CHST9: variants seen among roughly 807,000 people sequenced by gnomAD.
The protein encoded by CHST9 is GalNAc-4-sulfotransferase 2.
Under a neutral mutation model 44.4 loss-of-function variants are expected in CHST9, and 41 were observed. The observed-to-expected ratio is 0.92, with a 90% confidence interval of 0.72 to 1.20. The LOEUF (loss-of-function observed/expected upper bound fraction) is 1.20. CHST9 is among the 50% of genes most tolerant of loss of function. The pLI is 0.00. For missense variants in CHST9, 504 were observed against 516.5 expected, an observed-to-expected ratio of 0.98 and a Z score of 0.23; for synonymous variants, 171 against 178.4, an observed-to-expected ratio of 0.96 and a Z score of 0.33.
intron 4 of CHST9, among the ~76,000 whole-genome samples, chr18:26,984,534 G>T (rs1480739039): frequency 6.6e-6 from 1 of 151,880 alleles, no homozygotes; most frequent in Non-Finnish European, 1.5e-5. Context: ...TTAAAATTAA[G>T]AATTTTTTTA....
chr18:27,160,504 C>T (rs866640762), intron 1 of CHST9, among the ~76,000 whole-genome samples: 42 of 152,196 alleles, frequency 2.8e-4, no homozygotes, highest in African/African-American at 5.3e-4. Flanking sequence ...CTGCTGGATT[C>T]GGTTTGCCAG....
chr18:27,116,530 T>C (rs973769253), intron 2 of CHST9, among the ~76,000 whole-genome samples: 2 of 152,174 alleles, frequency 1.3e-5, no homozygotes, highest in Non-Finnish European at 2.9e-5. Flanking sequence ...GAAAGTGTGA[T>C]TCTTCCAACT....
rs749312588 is a variant in CHST9, at chr18:26,917,185, G to A, written c.406C>T (p.Arg136Cys). Residue 136 changes from arginine (R) to cysteine (C), a missense_variant, in exon 6 of 6, where the codon CGT becomes TGT. Physicochemically the swap from Arg to Cys is radical, Grantham distance 180. Transcript: ENST00000618847. ...TTAAAAACAGTCTTAGCTCCTTGAC[G>A]TTTTTCAATCAACTTCTCTGTTGGT... The part of the protein sequence containing the change: ...GSPTEKLIEK[R>C]QGAKTVFNKF... 20 of 1,613,850 alleles carry A rather than the reference G, an allele frequency of 1.2e-5. No individual in the cohort carries two copies. Among genetic ancestry groups the A allele is most frequent in the South Asian group, 2.2e-5 (2 of 91,070 alleles).
At position 26,915,517 on chromosome 18, in the gene CHST9, G is replaced by C. The variant is rs981104932; in HGVS notation, c.*742C>G. ...TGAGACTTAAGCTTCTCAACTGCCT[G>C]CTTCAGAAATGTAGACCTTTAGTGC... On this transcript the variant is annotated 3_prime_UTR_variant, in exon 6 of 6. Coordinates refer to ENST00000618847, the MANE Select transcript of CHST9 (RefSeq NM_031422.6). 6.6e-6 allele frequency: 1 copy of C among 152,142 alleles called. No homozygotes were observed. The highest frequency in any genetic ancestry group is 2.4e-5 in the African/African-American group (1 of 41,436). 9.4% of individuals were successfully genotyped at this position (152,142 alleles called of 1,614,324 possible). A position where few individuals can be genotyped will look rare whatever the true frequency, so the allele number is the denominator to read the frequency against.
chr18:26,916,490 T>C lies in CHST9; in HGVS notation c.1101A>G (p.Val367=). Residue 367 remains valine (V), a synonymous_variant, in exon 6 of 6, where the codon GTA becomes GTG. Transcript: ENST00000618847. ...CTTCTTCCAAAGTCTCAAATTTCCC[T>C]ACAAAATCATAGTTGATCAAACACG... The part of the protein sequence containing the change: ...CYPCLINYDF[V]GKFETLEEDA... The C allele has an allele frequency of 6.2e-7, 1 of 1,613,814 alleles. No individual in the cohort carries two copies. Among genetic ancestry groups the C allele is most frequent in the Non-Finnish European group, 8.5e-7 (1 of 1,179,764 alleles).
At chr18:27,014,591 G>C (rs1309509000) in intron 4 of CHST9, among the ~76,000 whole-genome samples, 1 of 146,828 alleles carries the variant, frequency 6.8e-6, no homozygotes, top group Non-Finnish European at 1.5e-5. Flanking sequence ...TTAGAAAACA[G>C]CCAAGCTTAA....
rs1275718900 is a variant in CHST9, at chr18:26,980,064, T to A, written c.203-35698A>T. On this transcript the variant is annotated intron_variant, in intron 4 of 5. Coordinates refer to ENST00000618847, the MANE Select transcript of CHST9 (RefSeq NM_031422.6). Reference sequence around the variant, plus strand: ...CTTTCAAGCTATATCCCAGAGTTCATCAAGACTACATTAAGACAGGATGGA... The same window carrying A: ...CTTTCAAGCTATATCCCAGAGTTCAACAAGACTACATTAAGACAGGATGGA... Among the ~76,000 whole-genome samples, 2 of 152,152 alleles carry A rather than the reference T, an allele frequency of 1.3e-5. 1 individual carries two copies. The highest frequency in any genetic ancestry group is 1.3e-4 in the Admixed American group (2 of 15,256).
chr18:26,911,752 C>T lies in CHST9; in HGVS notation c.*4507G>A, dbSNP rs180720612. 1.3e-3 allele frequency: 198 copies of T among 152,250 alleles called. 1 individual carries two copies. Among genetic ancestry groups the T allele is most frequent in the South Asian group, 2.3e-3 (11 of 4,820 alleles). The allele number at this position is 152,250 out of a possible 1,614,324, so 9.4% of individuals were successfully genotyped here. ...ATTCTGAGAATGAAATGATATGAGG[C>T]AATGTTCTGTTGAACTCCCCAGACC... On this transcript the variant is annotated 3_prime_UTR_variant, in exon 6 of 6. Transcript: ENST00000618847.
chr18:27,104,753 G>A (rs2058206053), intron 2 of CHST9, among the ~76,000 whole-genome samples: 1 of 152,150 alleles, frequency 6.6e-6, no homozygotes, highest in Non-Finnish European at 1.5e-5. Context: ...AGGGTGCAGT[G>A]TAATCATATT....
chr18:27,019,689 CAAA>C (rs60043018), intron 4 of CHST9, among the ~76,000 whole-genome samples: 35 of 91,302 alleles, frequency 3.8e-4, no homozygotes, highest in Non-Finnish European at 5.7e-4. Flanking sequence ...CACTACATGG[CAAA>C]AAAAAAAAAA....
chr18:26,959,079 A>G (rs910541354), intron 4 of CHST9, among the ~76,000 whole-genome samples: 2 of 152,236 alleles, frequency 1.3e-5, no homozygotes, highest in East Asian at 1.9e-4. Context: ...GTGCCCATCA[A>G]TAGTGGATTG....
At chr18:27,084,003 G>A (rs1054609609) in intron 2 of CHST9, among the ~76,000 whole-genome samples, 31 of 151,994 alleles carry the variant, frequency 2.0e-4, no homozygotes, top group African/African-American at 7.5e-4. Context: ...CTTGATTGTG[G>A]TGGATTAGCT....
At chr18:27,182,920 T>C (rs1338028781) in intron 1 of CHST9, among the ~76,000 whole-genome samples, 1 of 152,220 alleles carries the variant, frequency 6.6e-6, no homozygotes, top group Non-Finnish European at 1.5e-5. Context: ...AGTTAGTCTC[T>C]TATTTTGTAA....
intron 2 of CHST9, among the ~76,000 whole-genome samples, chr18:27,130,110 G>C (rs939587938): frequency 6.6e-6 from 1 of 152,114 alleles, no homozygotes; most frequent in Non-Finnish European, 1.5e-5. Context: ...TAAGCTTTTC[G>C]GGAGGAGGCT....
intron 2 of CHST9, among the ~76,000 whole-genome samples, chr18:27,129,575 T>A (rs1160333104): frequency 6.6e-6 from 1 of 152,002 alleles, no homozygotes; most frequent in Admixed American, 6.6e-5. Context: ...GTATTTTTAG[T>A]AGAGATGGAG....
At chr18:26,950,241 T>C (rs1392719169) in intron 4 of CHST9, among the ~76,000 whole-genome samples, 1 of 152,188 alleles carries the variant, frequency 6.6e-6, no homozygotes, top group Non-Finnish European at 1.5e-5. Flanking sequence ...TCCTGAAAAG[T>C]AGAGATTATT....
At chr18:27,177,594 T>C (rs964956579) in intron 1 of CHST9, among the ~76,000 whole-genome samples, 1 of 152,048 alleles carries the variant, frequency 6.6e-6, no homozygotes, top group Non-Finnish European at 1.5e-5. Context: ...CATTTTCACA[T>C]AAATCTAACA....
Position 27,068,263 on chromosome 18 carries a change from A to C in CHST9, c.122-19760T>G, listed in dbSNP as rs1598694904. On this transcript the variant is annotated intron_variant, in intron 2 of 5. Coordinates refer to ENST00000618847, the MANE Select transcript of CHST9 (RefSeq NM_031422.6). Reference sequence around the variant, plus strand: ...TTAAAATTTTATTTGGTTTTTACTTATACCATATGTCCTTTTTTTCATACT... The same window carrying C: ...TTAAAATTTTATTTGGTTTTTACTTCTACCATATGTCCTTTTTTTCATACT... Among the ~76,000 whole-genome samples the C allele has an allele frequency of 2.6e-5, 4 of 152,212 alleles. No individual in the cohort carries two copies. In the South Asian group the frequency reaches 8.3e-4, roughly 32 times the overall value.
At position 26,917,309 on chromosome 18, in the gene CHST9, C is replaced by T. The variant is rs755085945; in HGVS notation, c.282G>A (p.Lys94=). The T allele has an allele frequency of 4.3e-6, 7 of 1,612,418 alleles. No homozygotes were observed. The East Asian group carries it at 1.1e-4, about 26-fold the overall frequency. ...FHMPEDVREK[K]ENLLLNSERS... is the part of the protein sequence containing the mutation. ...TCTCAGAATTGAGTAGAAGATTTTC[C>T]TTTTTTTCTCGTACATCCTCAGGCA... Residue 94 remains lysine (K), a synonymous_variant, in exon 6 of 6, where the codon AAG becomes AAA. Coordinates refer to ENST00000618847, the MANE Select transcript of CHST9 (RefSeq NM_031422.6).
Sources: gnomAD v4.1 joint callset for allele counts (sites outside exome capture counted in the v4.1 genomes callset) on GRCh38, gnomAD v4.1.1 for gene constraint, MANE v1.5 for transcripts, NCBI Gene and HGNC (gene_info 2026-07-23, HGNC 2026-07-21) for gene names.